The following RABGAP1L variants were observed in gnomAD, a reference collection of about 807,000 sequenced individuals.
RABGAP1L encodes rab GTPase-activating protein 1-like.
Under a neutral mutation model 137.7 loss-of-function variants are expected in RABGAP1L, and 63 were observed. That is an observed-to-expected ratio of 0.46 (90% CI 0.37 to 0.56). The LOEUF (loss-of-function observed/expected upper bound fraction) is 0.56. Among genes scored for constraint, RABGAP1L ranks in the 20% least tolerant of loss-of-function variants. RABGAP1L has a pLI of 0.00. For missense variants in RABGAP1L, 1,095 were observed against 1,244.0 expected, an observed-to-expected ratio of 0.88 and a Z score of 1.80; for synonymous variants, 431 against 433.7, an observed-to-expected ratio of 0.99 and a Z score of 0.08.
chr1:174,285,368 A>G (rs1401425662), intron 10 of RABGAP1L, among the ~76,000 whole-genome samples: 1 of 151,956 alleles, frequency 6.6e-6, no homozygotes, highest in African/African-American at 2.4e-5. Context: ...GGTTAAATTT[A>G]TTTGTAAGGG....
At chr1:174,487,374 A>G (rs1261943693) in intron 13 of RABGAP1L, among the ~76,000 whole-genome samples, 1 of 152,220 alleles carries the variant, frequency 6.6e-6, no homozygotes, top group East Asian at 1.9e-4. Context: ...TTATCATTAT[A>G]TAGTGACCTT....
At chr1:174,177,324 ATTGT>A (rs1307292876) in intron 1 of RABGAP1L, among the ~76,000 whole-genome samples, 1 of 151,362 alleles carries the variant, frequency 6.6e-6, no homozygotes, top group Non-Finnish European at 1.5e-5. Flanking sequence ...TTTTGATGGG[ATTGT>A]TTGTTTTTTT....
At chr1:174,527,226 CAG>C (rs1663965172) in intron 13 of RABGAP1L, among the ~76,000 whole-genome samples, 1 of 126,990 alleles carries the variant, frequency 7.9e-6, no homozygotes, top group Non-Finnish European at 1.6e-5. Context: ...TTTTTTGAGA[CAG>C]AATCTCACTC....
chr1:174,181,409 C>G (rs2148291286), intron 1 of RABGAP1L, among the ~76,000 whole-genome samples: 2 of 150,656 alleles, frequency 1.3e-5, no homozygotes, highest in South Asian at 4.2e-4. Flanking sequence ...GTGATCTCGG[C>G]CCACTGCAAG....
intron 3 of RABGAP1L, among the ~76,000 whole-genome samples, chr1:174,227,593 T>C (rs1670288846): frequency 1.3e-5 from 2 of 152,162 alleles, no homozygotes; most frequent in Admixed American, 6.5e-5. Flanking sequence ...TTCTTGTTTT[T>C]CCCCTCCTTT....
chr1:174,532,041 A>G (rs530260532), intron 13 of RABGAP1L, among the ~76,000 whole-genome samples: 1 of 152,150 alleles, frequency 6.6e-6, no homozygotes, highest in Admixed American at 6.6e-5. Flanking sequence ...AGTAGAAAGG[A>G]AGACATAAGA....
chr1:174,908,836 G>T (rs573697267), intron 19 of RABGAP1L, among the ~76,000 whole-genome samples: 2 of 149,832 alleles, frequency 1.3e-5, no homozygotes, highest in Admixed American at 6.6e-5. Flanking sequence ...CAGCCACTGC[G>T]CCTGGCCACG....
intron 19 of RABGAP1L, among the ~76,000 whole-genome samples, chr1:174,827,769 C>G (rs1691734716): frequency 6.8e-6 from 1 of 147,828 alleles, no homozygotes; most frequent in African/African-American, 2.5e-5. Flanking sequence ...GTTAGAAGTT[C>G]TAATTTACCT....
At chr1:174,383,677 G>A (rs918400667) in intron 12 of RABGAP1L, among the ~76,000 whole-genome samples, 2 of 152,122 alleles carry the variant, frequency 1.3e-5, no homozygotes, top group African/African-American at 4.8e-5. Flanking sequence ...CCACTGGCCT[G>A]CACCCACTGT....
At chr1:174,571,230 C>T (rs899102972) in intron 13 of RABGAP1L, among the ~76,000 whole-genome samples, 1 of 151,884 alleles carries the variant, frequency 6.6e-6, no homozygotes, top group African/African-American at 2.4e-5. Context: ...AACAATTGAA[C>T]TCATAGAGAG....
chr1:174,633,031 AGGGC>A, intron 13 of RABGAP1L, among the ~76,000 whole-genome samples: 1 of 152,138 alleles, frequency 6.6e-6, no homozygotes, highest in Non-Finnish European at 1.5e-5. Context: ...AGTTCTGGCC[AGGGC>A]AGTCAGGCAG....
At chr1:174,953,608 T>A (rs1455178194) in intron 19 of RABGAP1L, among the ~76,000 whole-genome samples, 1 of 152,234 alleles carries the variant, frequency 6.6e-6, no homozygotes, top group Non-Finnish European at 1.5e-5. Context: ...ATTATAACGC[T>A]CTGAGTATTA....
At chr1:174,741,625 G>A (rs2148652227) in intron 17 of RABGAP1L, among the ~76,000 whole-genome samples, 1 of 152,070 alleles carries the variant, frequency 6.6e-6, no homozygotes, top group South Asian at 2.1e-4. Context: ...GCCTTCCAAA[G>A]TGTTGGGATT....
intron 13 of RABGAP1L, among the ~76,000 whole-genome samples, chr1:174,462,384 A>G (rs553623275): frequency 2.0e-5 from 3 of 152,228 alleles, no homozygotes; most frequent in East Asian, 1.9e-4. Flanking sequence ...TATATGTACA[A>G]TGGTTTTTTT....
At chr1:174,883,399 T>C (rs917397854) in intron 19 of RABGAP1L, among the ~76,000 whole-genome samples, 2 of 152,106 alleles carry the variant, frequency 1.3e-5, no homozygotes, top group Non-Finnish European at 1.5e-5. Flanking sequence ...GATGAATAGA[T>C]AAGGCACCCT....
At chr1:174,238,271 C>G (rs914059920) in intron 4 of RABGAP1L, among the ~76,000 whole-genome samples, 1 of 152,282 alleles carries the variant, frequency 6.6e-6, no homozygotes, top group Admixed American at 6.5e-5. Flanking sequence ...TCTCTCAGCT[C>G]GTCAGTCATT....
intron 13 of RABGAP1L, among the ~76,000 whole-genome samples, chr1:174,454,771 G>T (rs892921727): frequency 1.3e-5 from 2 of 151,700 alleles, no homozygotes; most frequent in South Asian, 2.1e-4. Context: ...GGATGGTCTC[G>T]ATCTCCTGAC....
chr1:174,917,774 A>G (rs1661113144), intron 19 of RABGAP1L, among the ~76,000 whole-genome samples: 1 of 152,102 alleles, frequency 6.6e-6, no homozygotes, highest in Non-Finnish European at 1.5e-5. Context: ...CTCTACTAAA[A>G]ATACAAAAAG....
At chr1:174,527,215 T>G (rs1663962023) in intron 13 of RABGAP1L, among the ~76,000 whole-genome samples, 1 of 150,746 alleles carries the variant, frequency 6.6e-6, no homozygotes. Context: ...TTTTTTTTTT[T>G]TTTTTTGAGA....
Sources: allele counts gnomAD v4.1 joint callset (sites outside exome capture counted in the v4.1 genomes callset), GRCh38; gene constraint gnomAD v4.1.1; transcripts MANE v1.5; gene names NCBI Gene and HGNC (gene_info 2026-07-23, HGNC 2026-07-21).